AIFM1: variants seen among roughly 807,000 people sequenced by gnomAD.
AIFM1 encodes the protein apoptosis-inducing factor 1, mitochondrial.
Under a neutral mutation model 51.7 loss-of-function variants are expected in AIFM1, and 3 were observed. The ratio of observed to expected loss-of-function variants is 0.06; its 90% confidence interval spans 0.03 to 0.15. The LOEUF (loss-of-function observed/expected upper bound fraction) is 0.15. AIFM1 is among the 10% of genes least tolerant of loss of function. AIFM1 has a pLI of 1.00. For missense variants in AIFM1, 330 were observed against 476.8 expected, an observed-to-expected ratio of 0.69 and a Z score of 2.87; for synonymous variants, 178 against 179.4, an observed-to-expected ratio of 0.99 and a Z score of 0.06.
chrX:130,144,306 A>T (rs1419489042), intron 6 of AIFM1, among the ~76,000 whole-genome samples: 1 of 111,116 alleles, frequency 9.0e-6, no homozygotes, highest in Admixed American at 9.6e-5. Context: ...CCTCACGGCC[A>T]ATGGTGATTA....
intron 9 of AIFM1, among the ~76,000 whole-genome samples, chrX:130,138,261 C>G (rs1034914377): frequency 1.8e-5 from 2 of 110,545 alleles, no homozygotes; most frequent in Non-Finnish European, 3.8e-5. Context: ...GTCAGGAGAT[C>G]GAGACAGTCC....
intron 1 of AIFM1, among the ~76,000 whole-genome samples, chrX:130,160,934 T>C (rs184663471): frequency 6.4e-5 from 7 of 109,773 alleles, no homozygotes; most frequent in African/African-American, 2.0e-4. Flanking sequence ...AAAATAAACT[T>C]AAGAGTTTTT....
At chrX:130,137,500 T>G in intron 9 of AIFM1, 4 of 1,167,425 alleles carry the variant, frequency 3.4e-6, no homozygotes, top group Non-Finnish European at 4.6e-6. Flanking sequence ...AGCATCCTCC[T>G]GAAAAGATGC....
At chrX:130,137,308 C>G in intron 9 of AIFM1, 123 bp from the exon 10 acceptor site, 2 of 1,184,337 alleles carry the variant, frequency 1.7e-6, no homozygotes, top group South Asian at 3.7e-5. Context: ...CAATCCAGGC[C>G]GAGCGCCCAC....
At chrX:130,129,827 G>A (rs1370120519) in intron 15 of AIFM1, 143 bp downstream of exon 15, 4 of 848,066 alleles carry the variant, frequency 4.7e-6, no homozygotes, top group South Asian at 2.1e-5. Flanking sequence ...GAATGTTCCT[G>A]AGCCAAGGCT....
Position 130,147,526 on chromosome X carries a change from A to C in AIFM1, c.572T>G (p.Leu191Arg). ...FSDDPNVTKT[L>R]RFKQWNGKER... is the part of the protein sequence containing the mutation. ...TTTTCCATTCCACTGTTTGAATCGC[A>C]GTGTCTTTGTGACATTTGGGTCATC... Residue 191 changes from leucine to arginine, a missense_variant, in exon 5 of 16, where the codon CTG (leucine) becomes CGG (arginine). Transcript: ENST00000287295. 1 of 1,211,996 alleles carries C rather than the reference A, an allele frequency of 8.3e-7. No homozygotes were observed. Among genetic ancestry groups the C allele is most frequent in the Non-Finnish European group, 1.1e-6 (1 of 895,542 alleles).
intron 2 of AIFM1, chrX:130,155,106 A>T: frequency 8.3e-7 from 1 of 1,200,552 alleles, no homozygotes; most frequent in Non-Finnish European, 1.1e-6. Flanking sequence ...CATTAGTGCC[A>T]TGGGCTCACC....
intron 5 of AIFM1, among the ~76,000 whole-genome samples, chrX:130,146,946 G>A (rs1027889824): frequency 9.8e-5 from 11 of 112,205 alleles, no homozygotes; most frequent in Non-Finnish European, 2.1e-4. Context: ...CGGATCATGA[G>A]GTCAGGAGAT....
At chrX:130,137,501 G>C in intron 9 of AIFM1, 2 of 1,167,215 alleles carry the variant, frequency 1.7e-6, no homozygotes, top group Non-Finnish European at 2.3e-6. Flanking sequence ...GCATCCTCCT[G>C]AAAAGATGCC....
At position 130,165,687 on chromosome X, in the gene AIFM1, T is replaced by C. The variant is rs1373780470; in HGVS notation, c.-31A>G. ...CGACCGCTATTCGGGACCTCCTCCT[T>C]CCCTTTCCTCTCACGCACGACCGAC... is the stretch of plus-strand genomic sequence containing the variant. On this transcript the variant is annotated 5_prime_UTR_variant, in exon 1 of 16. Coordinates refer to ENST00000287295, the MANE Select transcript of AIFM1 (RefSeq NM_004208.4). 1 of 1,121,059 alleles carries C rather than the reference T, an allele frequency of 8.9e-7. No individual in the cohort carries two copies. Among genetic ancestry groups the C allele is most frequent in the Non-Finnish European group, 1.2e-6 (1 of 827,743 alleles). 92.4% of individuals were successfully genotyped at this position (1,121,059 alleles called of 1,213,427 possible). A position where few individuals can be genotyped will look rare whatever the true frequency, so the allele number is the denominator to read the frequency against.
chrX:130,160,720 C>A (rs2124677684), intron 1 of AIFM1, among the ~76,000 whole-genome samples: 1 of 110,929 alleles, frequency 9.0e-6, no homozygotes, highest in South Asian at 3.7e-4. Flanking sequence ...GCCCGGATAA[C>A]TGAACATTTT....
At chrX:130,149,660 GTCTA>G in intron 2 of AIFM1, 92 bp from the exon 3 acceptor site, 1 of 686,765 alleles carries the variant, frequency 1.5e-6, no homozygotes, top group Non-Finnish European at 2.3e-6. Context: ...AGAAGCTTTT[GTCTA>G]TCTGATGTTA....
At chrX:130,165,268 G>A (rs1039803552) in intron 1 of AIFM1, among the ~76,000 whole-genome samples, 1 of 108,723 alleles carries the variant, frequency 9.2e-6, no homozygotes, top group African/African-American at 3.3e-5. Context: ...GGGATGCCGG[G>A]GAGGCGCCGA....
intron 1 of AIFM1, among the ~76,000 whole-genome samples, chrX:130,164,802 C>T (rs1278904628): frequency 8.9e-6 from 1 of 111,852 alleles, no homozygotes; most frequent in Non-Finnish European, 1.9e-5. Flanking sequence ...TATTAATTAA[C>T]TATGTGACCT....
intron 2 of AIFM1, among the ~76,000 whole-genome samples, chrX:130,152,091 G>C (rs1192670427): frequency 9.5e-6 from 1 of 105,284 alleles, no homozygotes; most frequent in East Asian, 2.9e-4. Context: ...TTCCAAAAAA[G>C]GGAAGAGAAG....
At chrX:130,160,673 C>A (rs897860029) in intron 1 of AIFM1, among the ~76,000 whole-genome samples, 3 of 111,695 alleles carry the variant, frequency 2.7e-5, no homozygotes, top group African/African-American at 9.8e-5. Flanking sequence ...CCACCTTAGC[C>A]TCCAGAATAG....
chrX:130,153,169 C>T, intron 2 of AIFM1, among the ~76,000 whole-genome samples: 1 of 56,233 alleles, frequency 1.8e-5, no homozygotes, highest in Admixed American at 2.5e-4. Context: ...CCCGTCTCTA[C>T]TAAAAATACA....
At chrX:130,137,345 C>T (rs951010474) in intron 9 of AIFM1, 160 bp from the exon 10 acceptor site, 18 of 1,157,787 alleles carry the variant, frequency 1.6e-5, no homozygotes, top group East Asian at 1.3e-4. Context: ...ATGAGGGCCT[C>T]GGTGCTCAAG....
Position 130,149,485 on chromosome X carries a change from T to A in AIFM1, c.333A>T (p.Lys111Asn). The part of the protein sequence containing the change: ...GLGLTPEQKQ[K>N]KAALSASEGE... ...AATACTCACCAGATAACGCGGCCTTTTTCTGTTTCTGTTCTGGTGTCAGCC... is the reference window on the plus strand; with the variant it reads ...AATACTCACCAGATAACGCGGCCTTATTCTGTTTCTGTTCTGGTGTCAGCC... Residue 111 changes from lysine (K) to asparagine (N), a missense_variant, in exon 3 of 16, where the codon AAA becomes AAT. Lys to Asn is a moderately conservative substitution (Grantham distance 94). Around this residue, in one of 4 missense-constraint regions of AIFM1, gnomAD observed 110 missense variants for 103.1 expected, o/e 1.07. Transcript: ENST00000287295. 1 of 1,209,693 alleles carries A rather than the reference T, an allele frequency of 8.3e-7. No individual in the cohort carries two copies. The highest frequency in any genetic ancestry group is 1.1e-6 in the Non-Finnish European group (1 of 893,646).
Sources: allele counts gnomAD v4.1 joint callset (sites outside exome capture counted in the v4.1 genomes callset), GRCh38; gene constraint gnomAD v4.1.1; regional missense constraint gnomAD v4.1.1; transcripts MANE v1.5; gene names NCBI Gene and HGNC (gene_info 2026-07-23, HGNC 2026-07-21).